The following TTC27 variants were observed in gnomAD, a reference collection of about 807,000 sequenced individuals.
TTC27 encodes tetratricopeptide repeat protein 27.
A neutral mutation model predicts 115.9 loss-of-function variants in TTC27; 79 were observed. The observed-to-expected ratio is 0.68, with a 90% CI of 0.57 to 0.82. TTC27 has a LOEUF of 0.82. TTC27 is among the 40% of genes least tolerant of loss of function. TTC27 has a pLI of 0.00. For synonymous variants in TTC27, 401 were observed against 356.0 expected, an observed-to-expected ratio of 1.13 and a Z score of -1.42; for missense variants, 1,054 against 993.1, an observed-to-expected ratio of 1.06 and a Z score of -0.82.
chr2:32,697,510 T>C, intron 9 of TTC27, among the ~76,000 whole-genome samples: 1 of 152,320 alleles, frequency 6.6e-6, no homozygotes, highest in Admixed American at 6.5e-5. Context: ...TTTCAGTAAA[T>C]GTGAAGTTTG....
intron 13 of TTC27, among the ~76,000 whole-genome samples, chr2:32,771,677 G>C (rs550164932): frequency 7.2e-4 from 109 of 152,274 alleles, no homozygotes; most frequent in African/African-American, 2.6e-3. Flanking sequence ...TTAGAATTTA[G>C]TAAATGAGAA....
intron 10 of TTC27, among the ~76,000 whole-genome samples, chr2:32,726,587 T>C (rs1484528128): frequency 6.6e-6 from 1 of 152,204 alleles, no homozygotes; most frequent in Non-Finnish European, 1.5e-5. Context: ...GTCAAAGCCA[T>C]TCAACAAGTC....
chr2:32,651,482 G>C (rs1012080431), intron 5 of TTC27, among the ~76,000 whole-genome samples: 10 of 152,212 alleles, frequency 6.6e-5, no homozygotes, highest in African/African-American at 2.4e-4. Context: ...GAGTAGCTGG[G>C]ATTACAGGCA....
At chr2:32,630,454 A>G (rs1434168829) in intron 1 of TTC27, 69 bp from the exon 2 acceptor site, 2 of 1,232,904 alleles carry the variant, frequency 1.6e-6, no homozygotes, top group Admixed American at 4.6e-5. Flanking sequence ...GATTTACCTA[A>G]TAGTGTTATC....
intron 12 of TTC27, among the ~76,000 whole-genome samples, chr2:32,755,343 G>A (rs950350532): frequency 2.6e-5 from 4 of 152,220 alleles, no homozygotes; most frequent in African/African-American, 4.8e-5. Context: ...CACCTCGGGA[G>A]GCCAAGGCTG....
intron 16 of TTC27, among the ~76,000 whole-genome samples, chr2:32,787,984 G>C (rs1007307501): frequency 8.5e-5 from 13 of 152,146 alleles, no homozygotes; most frequent in Non-Finnish European, 1.6e-4. Context: ...CATTGAGATA[G>C]TTCTTCCTTT....
At chr2:32,807,274 G>C (rs1671163670) in intron 16 of TTC27, among the ~76,000 whole-genome samples, 1 of 151,914 alleles carries the variant, frequency 6.6e-6, no homozygotes, top group African/African-American at 2.4e-5. Context: ...CCAAATAATA[G>C]TAAAAGGCTC....
intron 10 of TTC27, among the ~76,000 whole-genome samples, chr2:32,717,414 G>A (rs1254488193): frequency 1.3e-5 from 2 of 152,182 alleles, no homozygotes; most frequent in Non-Finnish European, 2.9e-5. Context: ...GTGTCTAAGT[G>A]TTTGCCACTT....
intron 19 of TTC27, among the ~76,000 whole-genome samples, chr2:32,820,096 C>G (rs1423031313): frequency 1.3e-5 from 2 of 152,174 alleles, no homozygotes; most frequent in Non-Finnish European, 2.9e-5. Context: ...ATTTGGCAAG[C>G]TACATAAATG....
At chr2:32,785,527 A>G (rs17038501) in intron 15 of TTC27, among the ~76,000 whole-genome samples, 19,138 of 152,014 alleles carry the variant, frequency 0.13, 1,401 homozygotes, top group African/African-American at 0.21. Context: ...CCTTACTATT[A>G]TCTTCCAATG....
At chr2:32,703,057 T>TTCTA (rs781158966) in intron 10 of TTC27, 137 bp downstream of exon 10, 27 of 664,968 alleles carry the variant, frequency 4.1e-5, no homozygotes, top group Non-Finnish European at 6.4e-5. Context: ...AGAGAATAAG[T>TTCTA]TCTATAATTT....
intron 19 of TTC27, among the ~76,000 whole-genome samples, chr2:32,819,511 A>G (rs991781492): frequency 6.6e-6 from 1 of 152,258 alleles, no homozygotes; most frequent in Non-Finnish European, 1.5e-5. Flanking sequence ...AAAAGTGAAA[A>G]TGAAGATTGA....
At chr2:32,767,938 A>G (rs1277620837) in intron 13 of TTC27, among the ~76,000 whole-genome samples, 2 of 152,358 alleles carry the variant, frequency 1.3e-5, no homozygotes, top group African/African-American at 4.8e-5. Context: ...GTAAACAATG[A>G]ATCTGACAAT....
At chr2:32,700,079 G>C (rs1374166226) in intron 9 of TTC27, among the ~76,000 whole-genome samples, 2 of 152,182 alleles carry the variant, frequency 1.3e-5, no homozygotes, top group African/African-American at 4.8e-5. Context: ...GGTGAGCACC[G>C]TTGCCCATGC....
At chr2:32,662,544 G>A (rs1040181019) in intron 5 of TTC27, among the ~76,000 whole-genome samples, 3 of 152,150 alleles carry the variant, frequency 2.0e-5, no homozygotes, top group Admixed American at 2.0e-4. Context: ...AGATTTTCTA[G>A]TTTATTTGCA....
At chr2:32,701,536 A>C (rs1667184011) in intron 9 of TTC27, among the ~76,000 whole-genome samples, 1 of 152,060 alleles carries the variant, frequency 6.6e-6, no homozygotes. Flanking sequence ...TTTTCCTCTT[A>C]TTGTAAGGGG....
intron 10 of TTC27, among the ~76,000 whole-genome samples, chr2:32,725,048 C>T (rs548578668): frequency 1.4e-4 from 21 of 152,274 alleles, no homozygotes; most frequent in African/African-American, 2.6e-4. Flanking sequence ...TTCACTATCA[C>T]GAGAACAGCA....
At chr2:32,793,832 GT>G (rs113764474) in intron 16 of TTC27, among the ~76,000 whole-genome samples, 1 of 151,838 alleles carries the variant, frequency 6.6e-6, no homozygotes, top group African/African-American at 2.4e-5. Context: ...CTGTTACAAT[GT>G]TTTTTTTAAC....
chr2:32,639,148 T>C (rs1435792771), intron 3 of TTC27, among the ~76,000 whole-genome samples: 1 of 152,154 alleles, frequency 6.6e-6, no homozygotes, highest in Admixed American at 6.5e-5. Context: ...TTTCATTTCA[T>C]AATTGATGAA....
Sources: gnomAD v4.1 joint callset for allele counts (sites outside exome capture counted in the v4.1 genomes callset) on GRCh38, gnomAD v4.1.1 for gene constraint, MANE v1.5 for transcripts, NCBI Gene and HGNC (gene_info 2026-07-23, HGNC 2026-07-21) for gene names.